The following COX17 variants were observed in gnomAD, a reference collection of about 807,000 sequenced individuals.
COX17 encodes the protein cytochrome c oxidase copper chaperone COX17.
A neutral mutation model predicts 6.3 loss-of-function variants in COX17; 1 was observed. That is an observed-to-expected ratio of 0.16 (90% CI 0.06 to 0.75). COX17 has a LOEUF of 0.75. Among genes scored for constraint, COX17 ranks in the 30% least tolerant of loss-of-function variants. The pLI is 0.77. For missense variants in COX17, 73 were observed against 81.2 expected, an observed-to-expected ratio of 0.90 and a Z score of 0.39; for synonymous variants, 26 against 30.5, an observed-to-expected ratio of 0.85 and a Z score of 0.49.
chr3:119,673,927 C>T (rs956231441), intron 2 of COX17, among the ~76,000 whole-genome samples: 5 of 151,406 alleles, frequency 3.3e-5, no homozygotes, highest in African/African-American at 1.2e-4. Flanking sequence ...GTGAGGAGTA[C>T]CTCTGTCCGG....
chr3:119,670,176 C>T (rs1307222727), intron 2 of COX17, among the ~76,000 whole-genome samples: 1 of 152,084 alleles, frequency 6.6e-6, no homozygotes, highest in African/African-American at 2.4e-5. Flanking sequence ...CTTTAATATT[C>T]ATTTGGAAAA....
At chr3:119,668,032 A>G (rs892310151), downstream of COX17, among the ~76,000 whole-genome samples, 3 of 152,250 alleles carry the variant, frequency 2.0e-5, no homozygotes, top group Non-Finnish European at 2.9e-5. Context: ...AGATGAATTT[A>G]TACATAGTCA....
rs143622776 is a variant in COX17 at position 119,675,227 on chromosome 3, G to A, written c.114C>T (p.Ile38=). ...GTCCACAGTGTTCTTCTCCTTTCTCGATGATACTATAAAACAAAATGTACT... is the reference window on the plus strand; with the variant it reads ...GTCCACAGTGTTCTTCTCCTTTCTCAATGATACTATAAAACAAAATGTACT... ...ETKKARDACI[I]EKGEEHCGHL... is the part of the protein sequence containing the mutation. The change falls in exon 2 of 3, where the codon ATC becomes ATT. Residue 38 remains isoleucine, a synonymous_variant. Coordinates refer to ENST00000261070, the MANE Select transcript of COX17 (RefSeq NM_005694.2). The A allele has an allele frequency of 1.7e-4, 280 of 1,609,434 alleles. No homozygotes were observed. In the African/African-American group the frequency reaches 1.8e-3, roughly 10 times the overall value.
intron 3 of COX17, among the ~76,000 whole-genome samples, chr3:119,664,495 T>C (rs1355825357): frequency 3.3e-5 from 5 of 152,158 alleles, no homozygotes; most frequent in Non-Finnish European, 4.4e-5. Context: ...GTCCCAGAAG[T>C]AAAACAAAAT....
chr3:119,676,472 A>C (rs543513531), intron 1 of COX17, among the ~76,000 whole-genome samples: 30 of 152,386 alleles, frequency 2.0e-4, no homozygotes, highest in Non-Finnish European at 4.1e-4. Context: ...GATTTGCTCC[A>C]CAAGAGAGGC....
chr3:119,677,201 G>A lies in COX17; in HGVS notation c.107+3C>T. 1 of 1,608,420 alleles carries A rather than the reference G, an allele frequency of 6.2e-7. No individual in the cohort carries two copies. Among genetic ancestry groups the A allele is most frequent in the Non-Finnish European group, 8.5e-7 (1 of 1,178,240 alleles). ...GCCGCGCCCTCTCCGGCTGCGCACT[G>A]ACCACGCATCGCGCGCCTTCTTGGT... On this transcript the variant is annotated splice_donor_region_variant and intron_variant, in intron 1 of 2. Coordinates refer to ENST00000261070, the MANE Select transcript of COX17 (RefSeq NM_005694.2).
chr3:119,673,381 T>C (rs542685292), intron 2 of COX17, among the ~76,000 whole-genome samples: 1 of 152,274 alleles, frequency 6.6e-6, no homozygotes, highest in Non-Finnish European at 1.5e-5. Context: ...GCAACACAGG[T>C]AATTAAAAAT....
chr3:119,674,100 G>A (rs940582102), intron 2 of COX17, among the ~76,000 whole-genome samples: 5 of 149,252 alleles, frequency 3.4e-5, no homozygotes, highest in African/African-American at 7.6e-5. Flanking sequence ...CCCAGCTGCC[G>A]CCCTGTCTGG....
At chr3:119,676,155 G>T (rs894578237) in intron 1 of COX17, among the ~76,000 whole-genome samples, 2 of 152,190 alleles carry the variant, frequency 1.3e-5, no homozygotes, top group African/African-American at 2.4e-5. Context: ...GAGGCTCAAG[G>T]TCACCAAGTT....
chr3:119,673,773 AATTGTTGG>A (rs2053069028), intron 2 of COX17, among the ~76,000 whole-genome samples: 1 of 152,240 alleles, frequency 6.6e-6, no homozygotes, highest in Non-Finnish European at 1.5e-5. Context: ...TTGTTTGTGG[AATTGTTGG>A]ACACATACCA....
chr3:119,667,720 CACACACACAG>C (rs1274577407), downstream of COX17, among the ~76,000 whole-genome samples: 319 of 116,574 alleles, frequency 2.7e-3, 1 homozygote, highest in Middle Eastern at 5.3e-3. Context: ...CACACACACA[CACACACACAG>C]AGAGAGAGAG....
chr3:119,677,070 G>C (rs1224509876), intron 1 of COX17, 134 bp downstream of exon 1: 2 of 707,556 alleles, frequency 2.8e-6, no homozygotes, highest in South Asian at 3.2e-5. Flanking sequence ...AGGGGGGAAG[G>C]AAGAGGGCAG....
chr3:119,676,001 G>A (rs2053095541), intron 1 of COX17, among the ~76,000 whole-genome samples: 1 of 152,262 alleles, frequency 6.6e-6, no homozygotes, highest in African/African-American at 2.4e-5. Context: ...GGGATAGTGA[G>A]ATCATTGTGA....
chr3:119,668,558 T>C (rs1202297946), downstream of COX17, among the ~76,000 whole-genome samples: 2 of 151,828 alleles, frequency 1.3e-5, no homozygotes, highest in Non-Finnish European at 2.9e-5. Flanking sequence ...TTTTTTTTTT[T>C]CAGCTGAGAA....
At chr3:119,670,534 G>A (rs529342649) in intron 2 of COX17, among the ~76,000 whole-genome samples, 2 of 152,244 alleles carry the variant, frequency 1.3e-5, no homozygotes, top group South Asian at 2.1e-4. Flanking sequence ...CGACTTTTGC[G>A]ACTGACTACA....
At chr3:119,668,127 AT>A (rs1434734213), downstream of COX17, among the ~76,000 whole-genome samples, 1 of 148,818 alleles carries the variant, frequency 6.7e-6, no homozygotes, top group Non-Finnish European at 1.5e-5. Context: ...CTCATTAAAA[AT>A]ATGTAGCATA....
chr3:119,675,366 TCAAA>T, intron 1 of COX17, 133 bp from the exon 2 acceptor site: 1 of 632,472 alleles, frequency 1.6e-6, no homozygotes, highest in Non-Finnish European at 2.8e-6. Context: ...CGCTATTACC[TCAAA>T]CAGCTTTGTT....
chr3:119,667,834 A>C (rs1286045437), downstream of COX17, among the ~76,000 whole-genome samples: 1 of 152,184 alleles, frequency 6.6e-6, no homozygotes, highest in Non-Finnish European at 1.5e-5. Context: ...ACCAACCAAC[A>C]AAATAAAACA....
chr3:119,677,269 A>T lies in COX17; in HGVS notation c.42T>A (p.Ser14=), dbSNP rs1399804234. The change falls in exon 1 of 3, where the codon TCT becomes TCA. Residue 14 remains serine (S), a synonymous_variant. Transcript: ENST00000261070. ...AGGGCTTCAGCGGCTTCTTCTCCTG[A>T]GACTCAGGCGGGGCAGGGTTTGAGT... The part of the protein sequence containing the change: ...LVDSNPAPPE[S]QEKKPLKPCC... 6.2e-7 allele frequency: 1 copy of T among 1,611,748 alleles called. No individual in the cohort carries two copies. The highest frequency in any genetic ancestry group is 1.7e-5 in the Admixed American group (1 of 59,998).
Sources: allele counts gnomAD v4.1 joint callset (sites outside exome capture counted in the v4.1 genomes callset), GRCh38; gene constraint gnomAD v4.1.1; transcripts MANE v1.5; gene names NCBI Gene and HGNC (gene_info 2026-07-23, HGNC 2026-07-21).